LRP1B: variants seen among roughly 807,000 people sequenced by gnomAD.
LRP1B encodes LDL receptor related protein 1B, also known as low-density lipoprotein receptor-related protein 1B.
Under a neutral mutation model 556.6 loss-of-function variants are expected in LRP1B, and 217 were observed. The ratio of observed to expected loss-of-function variants is 0.39; its 90% CI spans 0.35 to 0.44. The LOEUF (loss-of-function observed/expected upper bound fraction) is 0.44. Among genes scored for constraint, LRP1B ranks in the 20% least tolerant of loss-of-function variants. The pLI is 1.00. For synonymous variants in LRP1B, 2,047 were observed against 1,865.8 expected, an observed-to-expected ratio of 1.10 and a Z score of -2.50; for missense variants, 5,053 against 5,620.8, an observed-to-expected ratio of 0.90 and a Z score of 3.23.
intron 67 of LRP1B, among the ~76,000 whole-genome samples, chr2:140,378,784 T>A (rs1006096450): frequency 1.3e-5 from 2 of 152,158 alleles, no homozygotes; most frequent in Non-Finnish European, 2.9e-5. Flanking sequence ...CCCCAGAAAA[T>A]CTGGAGTTCC....
intron 7 of LRP1B, among the ~76,000 whole-genome samples, chr2:141,140,419 T>C (rs1209933017): frequency 6.6e-6 from 1 of 152,190 alleles, no homozygotes; most frequent in Non-Finnish European, 1.5e-5. Context: ...ATGGACTGAA[T>C]TGTGTTATCC....
chr2:140,735,473 C>T (rs1272561453), intron 35 of LRP1B, among the ~76,000 whole-genome samples: 1 of 152,120 alleles, frequency 6.6e-6, no homozygotes, highest in Admixed American at 6.6e-5. Flanking sequence ...CAAACAGACG[C>T]TCTAATTGAG....
At chr2:141,235,709 G>A (rs7560353) in intron 5 of LRP1B, among the ~76,000 whole-genome samples, 1,616 of 152,172 alleles carry the variant, frequency 0.011, 29 homozygotes, top group African/African-American at 0.037. Flanking sequence ...TGTTTTCCGA[G>A]CATATTTTAG....
At position 140,274,461 on chromosome 2, in the gene LRP1B, A is replaced by C; in HGVS notation, c.13105T>G (p.Cys4369Gly). Residue 4369 changes from cysteine (C) to glycine (G), a missense_variant, in exon 85 of 91, where the codon TGC (cysteine) becomes GGC (glycine). Coordinates refer to ENST00000389484, the MANE Select transcript of LRP1B (RefSeq NM_018557.3). ...TCTTCACTGTCTTTATTTATAATGC[A>C]GTGCCCCCCATGGCACCTTACACAC... is the stretch of plus-strand genomic sequence containing the variant. ...DKCVRCHGGH[C>G]IINKDSEDIF... The C allele has an allele frequency of 6.2e-7, 1 of 1,612,654 alleles. No individual in the cohort carries two copies. The highest frequency in any genetic ancestry group is 8.5e-7 in the Non-Finnish European group (1 of 1,179,076).
At chr2:141,915,307 AAACTG>A (rs1251017486) in intron 1 of LRP1B, among the ~76,000 whole-genome samples, 1 of 152,210 alleles carries the variant, frequency 6.6e-6, no homozygotes, top group African/African-American at 2.4e-5. Flanking sequence ...AAGGAGAATG[AAACTG>A]AACCTTTCAC....
In LRP1B at chr2:141,055,136, C is replaced by G. The variant is rs1699143729; in HGVS notation, c.1532G>C (p.Ser511Thr). The change falls in exon 10 of 91, where the codon AGT becomes ACT. Residue 511 changes from serine (S) to threonine (T), a missense_variant. Ser to Thr is a moderately conservative substitution (Grantham distance 58). Transcript: ENST00000389484. ...CRCRTGFNLG[S>T]DGRSCKRPKN... ...CATACTTTTGCATGACCTGCCATCA[C>G]TTCCCAAGTTGAAGCCAGTCCTGCA... 1 of 1,612,142 alleles carries G rather than the reference C, an allele frequency of 6.2e-7. No homozygotes were observed. The highest frequency in any genetic ancestry group is 8.5e-7 in the Non-Finnish European group (1 of 1,178,912).
intron 60 of LRP1B, among the ~76,000 whole-genome samples, chr2:140,473,608 T>G (rs1687853722): frequency 6.6e-6 from 1 of 151,860 alleles, no homozygotes; most frequent in South Asian, 2.1e-4. Flanking sequence ...CTAATATTTT[T>G]AACAATTTTA....
At chr2:140,795,522 A>G (rs1690273202) in intron 32 of LRP1B, among the ~76,000 whole-genome samples, 1 of 152,174 alleles carries the variant, frequency 6.6e-6, no homozygotes, top group Non-Finnish European at 1.5e-5. Context: ...TGTCTATTTC[A>G]AAGTTGTAAT....
At chr2:141,144,252 AG>A (rs1232108853) in intron 7 of LRP1B, among the ~76,000 whole-genome samples, 2 of 152,354 alleles carry the variant, frequency 1.3e-5, no homozygotes, top group African/African-American at 4.8e-5. Flanking sequence ...TCAATTTTAC[AG>A]ATAAGTAAAT....
At chr2:140,781,895 T>C (rs1689712193) in intron 32 of LRP1B, among the ~76,000 whole-genome samples, 1 of 152,232 alleles carries the variant, frequency 6.6e-6, no homozygotes, top group Non-Finnish European at 1.5e-5. Context: ...TATCGTTTCA[T>C]TTGTACTAAT....
At chr2:142,040,789 C>A (rs1035383740) in intron 1 of LRP1B, among the ~76,000 whole-genome samples, 3 of 151,116 alleles carry the variant, frequency 2.0e-5, no homozygotes, top group African/African-American at 7.3e-5. Flanking sequence ...TTTAGCCTGG[C>A]AGTCCAAATG....
intron 35 of LRP1B, among the ~76,000 whole-genome samples, chr2:140,723,487 AGAG>A (rs747793795): frequency 7.9e-5 from 12 of 152,182 alleles, no homozygotes; most frequent in Non-Finnish European, 1.2e-4. Flanking sequence ...AGAAAGAAAG[AGAG>A]GAGAAGGGAA....
At chr2:140,289,020 G>T (rs1022920643) in intron 84 of LRP1B, among the ~76,000 whole-genome samples, 3 of 151,776 alleles carry the variant, frequency 2.0e-5, no homozygotes, top group African/African-American at 7.3e-5. Flanking sequence ...AGGTGAAGCT[G>T]GCATGGAAAA....
intron 1 of LRP1B, among the ~76,000 whole-genome samples, chr2:141,917,904 G>A (rs906259115): frequency 1.3e-5 from 2 of 152,066 alleles, no homozygotes; most frequent in African/African-American, 2.4e-5. Flanking sequence ...ATTGTTTGAA[G>A]GCAAGACAAC....
chr2:141,782,432 A>G (rs950239907), intron 2 of LRP1B, among the ~76,000 whole-genome samples: 10 of 151,842 alleles, frequency 6.6e-5, no homozygotes, highest in Non-Finnish European at 8.8e-5. Context: ...TCCATTATCT[A>G]AGACTAGAAT....
chr2:140,835,824 C>T (rs773164630), intron 31 of LRP1B, among the ~76,000 whole-genome samples: 2 of 152,324 alleles, frequency 1.3e-5, no homozygotes, highest in Non-Finnish European at 2.9e-5. Flanking sequence ...CAGGCGTGAA[C>T]CACCGCACCT....
At position 140,633,165 on chromosome 2, in the gene LRP1B, A is replaced by G. The variant is rs1039717056; in HGVS notation, c.6800-31526T>C. On this transcript the variant is annotated intron_variant, in intron 41 of 90. Coordinates refer to ENST00000389484, the MANE Select transcript of LRP1B (RefSeq NM_018557.3). ...AGAAAAATATACCATGCTAACACCA[A>G]TAAAAAGGAAACTGAAATCCTCAAA... 7.9e-5 allele frequency among the ~76,000 whole-genome samples: 12 copies of G among 152,120 alleles called. 1 individual carries two copies. The highest frequency in any genetic ancestry group is 4.6e-4 in the Admixed American group (7 of 15,268).
chr2:140,404,531 G>A (rs1051794291), intron 66 of LRP1B, among the ~76,000 whole-genome samples: 1 of 152,142 alleles, frequency 6.6e-6, no homozygotes, highest in East Asian at 1.9e-4. Context: ...CAATAAAAAA[G>A]TATCTAGGTA....
chr2:142,074,736 T>C (rs1453673711), intron 1 of LRP1B, among the ~76,000 whole-genome samples: 1 of 152,094 alleles, frequency 6.6e-6, no homozygotes, highest in Non-Finnish European at 1.5e-5. Flanking sequence ...GAACTATCTA[T>C]ATATTCAGTA....
Sources: gnomAD v4.1 joint callset for allele counts (sites outside exome capture counted in the v4.1 genomes callset) on GRCh38, gnomAD v4.1.1 for gene constraint, MANE v1.5 for transcripts, NCBI Gene and HGNC (gene_info 2026-07-23, HGNC 2026-07-21) for gene names.